CREB3L2: variants seen among roughly 807,000 people sequenced by gnomAD.
CREB3L2 encodes the protein cyclic AMP-responsive element-binding protein 3-like protein 2.
Under a neutral mutation model 57.2 loss-of-function variants are expected in CREB3L2, and 23 were observed. That is an observed-to-expected ratio of 0.40 (90% CI 0.29 to 0.57). CREB3L2 has a LOEUF of 0.57. CREB3L2 is among the 20% of genes least tolerant of loss of function. CREB3L2 has a pLI of 0.42. For missense variants in CREB3L2, 628 were observed against 634.7 expected, an observed-to-expected ratio of 0.99 and a Z score of 0.11; for synonymous variants, 268 against 265.1, an observed-to-expected ratio of 1.01 and a Z score of -0.11.
intron 1 of CREB3L2, among the ~76,000 whole-genome samples, chr7:137,942,991 TTAAGAAG>T (rs1800902373): frequency 1.3e-5 from 2 of 152,312 alleles, no homozygotes; most frequent in African/African-American, 2.4e-5. Context: ...CACAGCTTCA[TTAAGAAG>T]TAAGAAGTCA....
chr7:137,960,358 C>T (rs1169096656), intron 1 of CREB3L2, among the ~76,000 whole-genome samples: 2 of 152,040 alleles, frequency 1.3e-5, no homozygotes, highest in East Asian at 3.8e-4. Context: ...AATACAGTGA[C>T]TATAAGTAAA....
At chr7:137,954,475 T>C (rs535861884) in intron 1 of CREB3L2, among the ~76,000 whole-genome samples, 2 of 152,256 alleles carry the variant, frequency 1.3e-5, no homozygotes, top group African/African-American at 4.8e-5. Context: ...CGGCTTTCTA[T>C]TTTCAGAAAA....
intron 8 of CREB3L2, among the ~76,000 whole-genome samples, chr7:137,897,527 G>A (rs1229177330): frequency 4.6e-5 from 7 of 152,040 alleles, no homozygotes; most frequent in Non-Finnish European, 7.4e-5. Flanking sequence ...CTGCCACTAC[G>A]CCCAGATAAT....
At chr7:137,971,752 A>G (rs1157634608) in intron 1 of CREB3L2, among the ~76,000 whole-genome samples, 1 of 152,148 alleles carries the variant, frequency 6.6e-6, no homozygotes, top group African/African-American at 2.4e-5. Context: ...ACTATTAATT[A>G]AACATTAAGC....
chr7:137,985,521 C>T (rs935751767), intron 1 of CREB3L2, among the ~76,000 whole-genome samples: 1 of 152,152 alleles, frequency 6.6e-6, no homozygotes, highest in Admixed American at 6.5e-5. Flanking sequence ...TCAGTGCCAT[C>T]CTGCTGTCCC....
chr7:137,954,931 T>A (rs1487430980), intron 1 of CREB3L2, among the ~76,000 whole-genome samples: 1 of 152,110 alleles, frequency 6.6e-6, no homozygotes, highest in Non-Finnish European at 1.5e-5. Context: ...CACTCAAGAC[T>A]CCCAGTGACT....
chr7:137,949,829 A>G (rs917765869), intron 1 of CREB3L2, among the ~76,000 whole-genome samples: 9 of 152,196 alleles, frequency 5.9e-5, no homozygotes, highest in Admixed American at 3.9e-4. Flanking sequence ...TTATTTGATA[A>G]TGGTGTTATT....
intron 1 of CREB3L2, among the ~76,000 whole-genome samples, chr7:137,989,109 C>T (rs1205615405): frequency 6.6e-6 from 1 of 152,108 alleles, no homozygotes; most frequent in Non-Finnish European, 1.5e-5. Flanking sequence ...AATCTTGTTC[C>T]AAAAAAATCA....
Position 137,885,051 on chromosome 7 carries a change from G to A in CREB3L2, c.1214C>T (p.Thr405Ile), listed in dbSNP as rs1010006568. The A allele has an allele frequency of 8.7e-6, 14 of 1,614,088 alleles. No homozygotes were observed. Among genetic ancestry groups the A allele is most frequent in the Middle Eastern group, 1.6e-4 (1 of 6,084 alleles). ...FQGYGPYPSA[T>I]KMALPSQHSL... ...ATGCTGGCTGGGCAGAGCCATCTTGGTGGCAGAAGGATAGGGCCCGTAGCC... is the reference window on the plus strand; with the variant it reads ...ATGCTGGCTGGGCAGAGCCATCTTGATGGCAGAAGGATAGGGCCCGTAGCC... The change falls in exon 10 of 12, where the codon ACC becomes ATC. Residue 405 changes from threonine to isoleucine, a missense_variant. This residue lies in a region of CREB3L2 where 272 missense variants were observed against 242.7 expected (regional missense o/e 1.12). Transcript: ENST00000330387.
chr7:137,922,417 T>TAC (rs1800330262), intron 2 of CREB3L2, among the ~76,000 whole-genome samples: 4 of 24,092 alleles, frequency 1.7e-4, no homozygotes, highest in African/African-American at 7.4e-4. Flanking sequence ...TATATATATG[T>TAC]ATATATATAT....
chr7:137,969,077 G>A (rs1305471951), intron 1 of CREB3L2, among the ~76,000 whole-genome samples: 1 of 152,300 alleles, frequency 6.6e-6, no homozygotes, highest in East Asian at 1.9e-4. Flanking sequence ...GTCAGGAAGG[G>A]CAGAGAGCTC....
chr7:137,977,453 A>G (rs1801627964), intron 1 of CREB3L2, among the ~76,000 whole-genome samples: 1 of 152,244 alleles, frequency 6.6e-6, no homozygotes, highest in East Asian at 1.9e-4. Flanking sequence ...AATGACAAAT[A>G]GTGACTCAGG....
intron 1 of CREB3L2, among the ~76,000 whole-genome samples, chr7:137,939,812 C>T (rs1412329495): frequency 6.6e-6 from 1 of 152,158 alleles, no homozygotes; most frequent in African/African-American, 2.4e-5. Flanking sequence ...ACTCTACCCC[C>T]GCAATCTTGG....
At chr7:137,959,426 G>C (rs778988544) in intron 1 of CREB3L2, among the ~76,000 whole-genome samples, 4 of 152,298 alleles carry the variant, frequency 2.6e-5, no homozygotes, top group Non-Finnish European at 5.9e-5. Context: ...CCTAGAAGCA[G>C]AGCTGGCTGA....
chr7:137,971,612 T>G (rs1195055214), intron 1 of CREB3L2, among the ~76,000 whole-genome samples: 3 of 151,980 alleles, frequency 2.0e-5, no homozygotes, highest in African/African-American at 7.3e-5. Context: ...CCCCTGGATC[T>G]CTTTCCCCAT....
intron 1 of CREB3L2, among the ~76,000 whole-genome samples, chr7:137,938,918 G>A (rs932375990): frequency 2.0e-5 from 3 of 152,282 alleles, no homozygotes; most frequent in African/African-American, 4.8e-5. Flanking sequence ...TTAATGAGAT[G>A]AAGGGAGAAA....
chr7:137,989,136 G>T (rs2117325224), intron 1 of CREB3L2, among the ~76,000 whole-genome samples: 1 of 152,316 alleles, frequency 6.6e-6, no homozygotes, highest in Middle Eastern at 3.4e-3. Flanking sequence ...GCAGCGCTGT[G>T]TTCTACACTT....
At chr7:137,945,100 G>A (rs1053904640) in intron 1 of CREB3L2, among the ~76,000 whole-genome samples, 2 of 152,082 alleles carry the variant, frequency 1.3e-5, no homozygotes, top group Admixed American at 6.5e-5. Context: ...TCACCATGTT[G>A]GCCAGGCTGG....
intron 1 of CREB3L2, chr7:137,953,568 C>G: frequency 1.6e-6 from 2 of 1,213,442 alleles, no homozygotes; most frequent in Non-Finnish European, 2.2e-6. Flanking sequence ...TGGGTGATGA[C>G]GGTCTCAGAA....
Sources: allele counts gnomAD v4.1 joint callset (sites outside exome capture counted in the v4.1 genomes callset), GRCh38; gene constraint gnomAD v4.1.1; regional missense constraint gnomAD v4.1.1; transcripts MANE v1.5; gene names NCBI Gene and HGNC (gene_info 2026-07-23, HGNC 2026-07-21).